The following RANBP2 variants were observed in gnomAD, a reference collection of about 807,000 sequenced individuals.
RANBP2 encodes the protein RAN binding protein 2, also known as E3 SUMO-protein ligase RanBP2.
Under a neutral mutation model 303.6 loss-of-function variants are expected in RANBP2, and 57 were observed. The observed-to-expected ratio is 0.19, with a 90% CI of 0.15 to 0.23. The LOEUF is 0.23. Ranked by LOEUF, RANBP2 falls within the 10% of genes least tolerant of loss-of-function variation. The pLI is 1.00. For synonymous variants in RANBP2, 1,167 were observed against 1,301.5 expected, an observed-to-expected ratio of 0.90 and a Z score of 2.23; for missense variants, 3,138 against 3,780.8, an observed-to-expected ratio of 0.83 and a Z score of 4.46.
At chr2:109,206,454 G>A in the RANBP2 span, among the ~76,000 whole-genome samples, 1 of 126,460 alleles carries the variant, frequency 7.9e-6, no homozygotes, top group Non-Finnish European at 1.6e-5. Flanking sequence ...TCGTGCCACC[G>A]CACTCCAGCC....
intron 7 of RANBP2, among the ~76,000 whole-genome samples, chr2:108,741,517 T>TG (rs1696088559): frequency 7.4e-6 from 1 of 134,282 alleles, no homozygotes; most frequent in African/African-American, 2.9e-5. Flanking sequence ...TTTTTTTTTT[T>TG]TTTTTTGAGA....
At chr2:109,070,750 C>T in the RANBP2 span, among the ~76,000 whole-genome samples, 32,975 of 151,780 alleles carry the variant, frequency 0.22, 4,466 homozygotes, top group Middle Eastern at 0.33. Flanking sequence ...GTCCCAGCTA[C>T]CGGGGAGGCT....
At chr2:109,244,451 A>G in the RANBP2 span, among the ~76,000 whole-genome samples, 1 of 152,202 alleles carries the variant, frequency 6.6e-6, no homozygotes, top group Non-Finnish European at 1.5e-5. Context: ...CATGAATGCA[A>G]TTCTGTCTTC....
chr2:109,207,560 G>A, the RANBP2 span, among the ~76,000 whole-genome samples: 1 of 152,158 alleles, frequency 6.6e-6, no homozygotes, highest in African/African-American at 2.4e-5. Flanking sequence ...GGAACAAAAT[G>A]TTATTTGTGT....
At chr2:109,771,422 G>A in the RANBP2 span, among the ~76,000 whole-genome samples, 1 of 104,302 alleles carries the variant, frequency 9.6e-6, no homozygotes, top group Non-Finnish European at 1.8e-5. Context: ...CCAGGACAGA[G>A]TTTGACTTGG....
At chr2:109,413,265 C>T in the RANBP2 span, among the ~76,000 whole-genome samples, 11 of 152,172 alleles carry the variant, frequency 7.2e-5, no homozygotes, top group African/African-American at 2.7e-4. Context: ...CAGGTGCTTG[C>T]CACAATGCCC....
chr2:109,137,655 C>T, the RANBP2 span, among the ~76,000 whole-genome samples: 2 of 152,108 alleles, frequency 1.3e-5, no homozygotes, highest in Non-Finnish European at 2.9e-5. Context: ...TAGGATGAAC[C>T]CAGAGATACT....
intron 18 of RANBP2, among the ~76,000 whole-genome samples, chr2:108,759,546 A>G (rs1028461387): frequency 2.0e-5 from 3 of 152,130 alleles, no homozygotes; most frequent in Non-Finnish European, 4.4e-5. Context: ...AGTTTAGATG[A>G]GCACATTTGT....
At chr2:109,242,543 G>C in the RANBP2 span, among the ~76,000 whole-genome samples, 1 of 152,214 alleles carries the variant, frequency 6.6e-6, no homozygotes, top group African/African-American at 2.4e-5. Context: ...AAGGCCAAGT[G>C]GGAAGCCTGT....
At chr2:109,544,116 G>A in the RANBP2 span, 2 of 1,511,142 alleles carry the variant, frequency 1.3e-6, no homozygotes, top group African/African-American at 2.8e-5. Flanking sequence ...TGCTCAACTT[G>A]TAGTATCATT....
At chr2:108,808,518 C>T in the RANBP2 span, among the ~76,000 whole-genome samples, 77 of 152,248 alleles carry the variant, frequency 5.1e-4, no homozygotes, top group African/African-American at 1.7e-3. Flanking sequence ...TCCTCACCAA[C>T]GTTTATTACT....
the RANBP2 span, among the ~76,000 whole-genome samples, chr2:109,105,452 A>C: frequency 1.3e-5 from 2 of 152,208 alleles, no homozygotes; most frequent in African/African-American, 2.4e-5. Context: ...AGACAACCCC[A>C]AGTTGAGGGC....
chr2:109,177,093 C>T, the RANBP2 span, among the ~76,000 whole-genome samples: 1 of 152,170 alleles, frequency 6.6e-6, no homozygotes, highest in Admixed American at 6.5e-5. Flanking sequence ...ACAATAAGCT[C>T]TGTTTACTGG....
chr2:109,514,099 C>A, the RANBP2 span, among the ~76,000 whole-genome samples: 16 of 152,282 alleles, frequency 1.1e-4, no homozygotes, highest in African/African-American at 3.4e-4. Flanking sequence ...AGGCAGTAAG[C>A]CTGGTTTATG....
chr2:108,855,892 TCTC>T, the RANBP2 span, among the ~76,000 whole-genome samples: 1 of 152,214 alleles, frequency 6.6e-6, no homozygotes, highest in Non-Finnish European at 1.5e-5. Flanking sequence ...TCTTGAGTCT[TCTC>T]CTTTAAACAG....
chr2:109,132,926 A>G, the RANBP2 span, among the ~76,000 whole-genome samples: 3 of 152,262 alleles, frequency 2.0e-5, no homozygotes. Context: ...TTTAATAAGG[A>G]CTTGAATATC....
chr2:109,450,158 CAACATGGCAA>C, the RANBP2 span, among the ~76,000 whole-genome samples: 1 of 152,034 alleles, frequency 6.6e-6, no homozygotes, highest in Non-Finnish European at 1.5e-5. Flanking sequence ...CCAGCCTGGC[CAACATGGCAA>C]AACCCCATCT....
chr2:108,742,242 C>T (rs1254812535), intron 7 of RANBP2, among the ~76,000 whole-genome samples: 9 of 151,920 alleles, frequency 5.9e-5, no homozygotes, highest in East Asian at 2.0e-4. Context: ...GTGATCTTCG[C>T]GCCTCAGCCT....
chr2:109,544,146 A>C, the RANBP2 span: 1 of 1,547,194 alleles, frequency 6.5e-7, no homozygotes, highest in Non-Finnish European at 8.7e-7. Flanking sequence ...TTATGTATTG[A>C]CCTTGTACTT....
Sources: allele counts gnomAD v4.1 joint callset (sites outside exome capture counted in the v4.1 genomes callset), GRCh38; gene constraint gnomAD v4.1.1; transcripts MANE v1.5; gene names NCBI Gene and HGNC (gene_info 2026-07-23, HGNC 2026-07-21).